The following KIF6 variants were observed in gnomAD, a reference collection of about 807,000 sequenced individuals.
KIF6 encodes the protein kinesin-like protein KIF6.
A neutral mutation model predicts 112.7 loss-of-function variants in KIF6; 106 were observed. That is an observed-to-expected ratio of 0.94 (90% CI 0.80 to 1.11). The LOEUF (loss-of-function observed/expected upper bound fraction) is 1.11, where lower values mean the gene tolerates loss of function less well. Among genes scored for constraint, KIF6 ranks in the 50% least tolerant of loss-of-function variants. KIF6 has a pLI of 0.00. For synonymous variants in KIF6, 339 were observed against 339.9 expected, an observed-to-expected ratio of 1.00 and a Z score of 0.03; for missense variants, 929 against 964.0, an observed-to-expected ratio of 0.96 and a Z score of 0.48.
intron 13 of KIF6, among the ~76,000 whole-genome samples, chr6:39,468,132 C>A (rs544334305): frequency 5.3e-5 from 8 of 150,650 alleles, no homozygotes; most frequent in Admixed American, 2.0e-4. Flanking sequence ...AATTAGTGAA[C>A]CTGAAGATAG....
intron 16 of KIF6, among the ~76,000 whole-genome samples, chr6:39,374,311 A>G (rs957229917): frequency 3.3e-5 from 5 of 152,190 alleles, no homozygotes; most frequent in African/African-American, 9.6e-5. Context: ...AACAACATTA[A>G]TCTAGGCAAT....
chr6:39,634,325 C>G (rs185831385), intron 5 of KIF6, among the ~76,000 whole-genome samples: 1 of 152,056 alleles, frequency 6.6e-6, no homozygotes, highest in South Asian at 2.1e-4. Flanking sequence ...ATTTTGAAGA[C>G]GCTATTTAAA....
At chr6:39,633,675 C>G (rs1784468374) in intron 5 of KIF6, among the ~76,000 whole-genome samples, 1 of 152,212 alleles carries the variant, frequency 6.6e-6, no homozygotes, top group Non-Finnish European at 1.5e-5. Context: ...CCACATTTCT[C>G]AGCATGGCTA....
chr6:39,583,269 A>AT, intron 9 of KIF6: 1 of 361,016 alleles, frequency 2.8e-6, no homozygotes, highest in Non-Finnish European at 5.8e-6. Context: ...CAGCACTGTA[A>AT]TGCTATAGGG....
At chr6:39,457,540 C>T (rs371792893) in intron 13 of KIF6, among the ~76,000 whole-genome samples, 9 of 151,076 alleles carry the variant, frequency 6.0e-5, no homozygotes, top group African/African-American at 1.7e-4. Flanking sequence ...CTGAAGGAAA[C>T]AGAGACACAA....
At chr6:39,422,826 C>T (rs1238458330) in intron 14 of KIF6, among the ~76,000 whole-genome samples, 1 of 152,164 alleles carries the variant, frequency 6.6e-6, no homozygotes, top group Non-Finnish European at 1.5e-5. Context: ...TAAACTTCAC[C>T]AGGGGGAGTT....
chr6:39,594,563 C>T (rs1446810967), intron 7 of KIF6, among the ~76,000 whole-genome samples: 2 of 152,116 alleles, frequency 1.3e-5, no homozygotes, highest in East Asian at 1.9e-4. Context: ...CTTGGTGCTG[C>T]CTGACTGGGA....
intron 3 of KIF6, among the ~76,000 whole-genome samples, chr6:39,688,330 T>C (rs772617271): frequency 6.6e-6 from 1 of 152,118 alleles, no homozygotes; most frequent in Non-Finnish European, 1.5e-5. Flanking sequence ...GATCTCTTCA[T>C]GGCAGGGCAA....
intron 10 of KIF6, among the ~76,000 whole-genome samples, chr6:39,567,455 G>T (rs949244726): frequency 6.6e-6 from 1 of 152,150 alleles, no homozygotes; most frequent in African/African-American, 2.4e-5. Flanking sequence ...TCATATAAAA[G>T]TTCCCTGCCT....
intron 3 of KIF6, among the ~76,000 whole-genome samples, chr6:39,688,505 A>G (rs1018960431): frequency 8.5e-5 from 13 of 152,080 alleles, no homozygotes; most frequent in African/African-American, 3.1e-4. Context: ...CATGAATAGA[A>G]CCCTATTTTC....
rs1461180328 is a variant in KIF6, at chr6:39,712,117, C to T, written c.251+2575G>A. Reference sequence around the variant, plus strand: ...AGAAAATAACATAGGAGGAATAGCTCCAAATTATGGCGATCATAAAAAAGA... The same window carrying T: ...AGAAAATAACATAGGAGGAATAGCTTCAAATTATGGCGATCATAAAAAAGA... On this transcript the variant is annotated intron_variant, in intron 3 of 22. Coordinates refer to ENST00000287152, the MANE Select transcript of KIF6 (RefSeq NM_145027.6). Among the ~76,000 whole-genome samples, 3 of 151,724 alleles carry T rather than the reference C, an allele frequency of 2.0e-5. No homozygotes were observed. In the East Asian group the frequency reaches 5.8e-4, roughly 29 times the overall value.
intron 3 of KIF6, among the ~76,000 whole-genome samples, chr6:39,670,481 G>T (rs923707507): frequency 1.3e-5 from 2 of 152,084 alleles, no homozygotes; most frequent in South Asian, 2.1e-4. Context: ...AGGAAGAAAA[G>T]ATATTTATTA....
At chr6:39,674,487 G>A (rs562368771) in intron 3 of KIF6, among the ~76,000 whole-genome samples, 11 of 152,098 alleles carry the variant, frequency 7.2e-5, no homozygotes, top group South Asian at 4.2e-4. Flanking sequence ...GATGCATACC[G>A]TATACACAAA....
At position 39,346,132 on chromosome 6, in the gene KIF6, C is replaced by CCTCTCTCTCTCCCTCTCTCTCTCTCTCT. The variant is rs1763769865; in HGVS notation, c.2231+343_2232-343insAGAGAGAGAGAGAGAGGGAGAGAGAGAG. Among the ~76,000 whole-genome samples the CCTCTCTCTCTCCCTCTCTCTCTCTCTCT allele has an allele frequency of 5.3e-3, 143 of 26,912 alleles. 5 individuals carry two copies. Among genetic ancestry groups the CCTCTCTCTCTCCCTCTCTCTCTCTCTCT allele is most frequent in the African/African-American group, 0.012 (79 of 6,756 alleles). The allele number at this position is 26,912 out of a possible 152,430, so 17.7% of individuals were successfully genotyped here. A position where few individuals can be genotyped will look rare whatever the true frequency, so the allele number is the denominator to read the frequency against. On this transcript the variant is annotated intron_variant, in intron 20 of 22. Coordinates refer to ENST00000287152, the MANE Select transcript of KIF6 (RefSeq NM_145027.6). ...CTCCCTCTCCCTCTCCCTCCCTCTCCCTCTCTCTCTCTCTCTCTCTCTCTC... is the reference window on the plus strand; with the variant it reads ...CTCCCTCTCCCTCTCCCTCCCTCTCCCTCTCTCTCTCCCTCTCTCTCTCTCTCTCTCTCTCTCTCTCTCTCTCTCTCTC...
intron 7 of KIF6, among the ~76,000 whole-genome samples, chr6:39,593,845 T>C (rs2150679937): frequency 6.6e-6 from 1 of 152,282 alleles, no homozygotes; most frequent in East Asian, 1.9e-4. Context: ...CTGAGTCAGA[T>C]ACCCTGCTAC....
intron 13 of KIF6, among the ~76,000 whole-genome samples, chr6:39,444,835 A>C (rs1772201069): frequency 6.6e-6 from 1 of 152,200 alleles, no homozygotes. Context: ...TGGTTAAAAA[A>C]AAAAAAAAGG....
intron 21 of KIF6, among the ~76,000 whole-genome samples, chr6:39,345,397 G>T (rs1763621115): frequency 6.6e-6 from 1 of 152,234 alleles, no homozygotes; most frequent in African/African-American, 2.4e-5. Context: ...CTGCTCTGTG[G>T]TGGGGCTGCC....
intron 21 of KIF6, among the ~76,000 whole-genome samples, chr6:39,345,258 T>C (rs1167369315): frequency 1.3e-5 from 2 of 152,144 alleles, no homozygotes; most frequent in Non-Finnish European, 2.9e-5. Context: ...GGGCAGAGGC[T>C]GTGCTGGTGA....
chr6:39,387,546 G>A (rs546729772), intron 15 of KIF6, among the ~76,000 whole-genome samples: 33 of 152,110 alleles, frequency 2.2e-4, no homozygotes, highest in Admixed American at 1.2e-3. Context: ...TATTCCATGT[G>A]GGGGAAGGGT....
Sources: gnomAD v4.1 joint callset for allele counts (sites outside exome capture counted in the v4.1 genomes callset) on GRCh38, gnomAD v4.1.1 for gene constraint, MANE v1.5 for transcripts, NCBI Gene and HGNC (gene_info 2026-07-23, HGNC 2026-07-21) for gene names.